Variants in ARHGEF40 observed in about 807,000 individuals in gnomAD.
ARHGEF40 encodes the protein Rho guanine nucleotide exchange factor (GEF) 40.
ARHGEF40 carries 98 observed loss-of-function variants against 165.9 expected under a neutral mutation model. The ratio of observed to expected loss-of-function variants is 0.59; its 90% confidence interval spans 0.50 to 0.70. The LOEUF (loss-of-function observed/expected upper bound fraction) is 0.70. ARHGEF40 is among the 30% of genes least tolerant of loss of function. ARHGEF40 has a pLI of 0.00. For synonymous variants in ARHGEF40, 792 were observed against 814.3 expected (o/e 0.97, Z 0.47); for missense variants, 1,815 against 1,968.0 (o/e 0.92, Z 1.47).
In ARHGEF40 at chr14:21,088,034, C is replaced by T. The variant is rs145078286; in HGVS notation, c.4454C>T (p.Pro1485Leu). 2.0e-5 allele frequency: 32 copies of T among 1,613,898 alleles called. No individual in the cohort carries two copies. The highest frequency in any genetic ancestry group is 4.5e-5 in the East Asian group (2 of 44,882). The change falls in exon 22 of 24, where the codon CCC (proline) becomes CTC (leucine). Residue 1485 changes from proline to leucine, a missense_variant. By Grantham distance (98) the Pro-to-Leu change is moderately conservative. Coordinates refer to ENST00000298694, the MANE Select transcript of ARHGEF40 (RefSeq NM_018071.5). The stretch of plus-strand genomic sequence containing the variant: ...CCAAGAAACAGCCCCAGCCTGCAAC[C>T]CCCCCACCCTGGGAGCAGCACTCCC... ...PGPRNSPSLQ[P>L]PHPGSSTPTL...
chr14:21,090,198 C>G lies in ARHGEF40; in HGVS notation c.*1190C>G. 1 of 558,402 alleles carries G rather than the reference C, an allele frequency of 1.8e-6. No homozygotes were observed. Among genetic ancestry groups the G allele is most frequent in the Non-Finnish European group, 3.4e-6 (1 of 292,532 alleles). 34.6% of individuals were successfully genotyped at this position (558,402 alleles called of 1,614,324 possible). Reference sequence around the variant, plus strand: ...GGGGCTAGAAGGGTACAGTGCCCCCCACCCTCACCCCTTGTACAAAAATAA... The same window carrying G: ...GGGGCTAGAAGGGTACAGTGCCCCCGACCCTCACCCCTTGTACAAAAATAA... On this transcript the variant is annotated 3_prime_UTR_variant, in exon 24 of 24. Coordinates refer to ENST00000298694, the MANE Select transcript of ARHGEF40 (RefSeq NM_018071.5). This position sits in a 1 kb window ranked among gnomAD's most constrained non-coding sequence, Gnocchi z 4.4.
chr14:21,074,175 T>TG lies in ARHGEF40; in HGVS notation c.447dup (p.Leu150AlafsTer31). 1 of 1,614,028 alleles carries TG rather than the reference T, an allele frequency of 6.2e-7. No individual in the cohort carries two copies. The highest frequency in any genetic ancestry group is 8.5e-7 in the Non-Finnish European group (1 of 1,179,998). ...TTGTGCCTACCTATTCACACCTGAGTGGCTACAAGGCATCAACAAGGACCG... is the reference window on the plus strand; with the variant it reads ...TTGTGCCTACCTATTCACACCTGAGTGGGCTACAAGGCATCAACAAGGACCG... On this transcript the variant is annotated frameshift_variant, in exon 3 of 24. Coordinates refer to ENST00000298694, the MANE Select transcript of ARHGEF40 (RefSeq NM_018071.5). LOFTEE classifies it high-confidence loss of function. This position sits in a 1 kb window ranked among gnomAD's most constrained non-coding sequence, Gnocchi z 4.8.
At chr14:21,079,629 C>G (rs1179241345) in intron 11 of ARHGEF40, among the ~76,000 whole-genome samples, 2 of 152,168 alleles carry the variant, frequency 1.3e-5, no homozygotes, top group African/African-American at 4.8e-5. Flanking sequence ...TCTGATTGTT[C>G]CTCCTTAGCC....
At chr14:21,065,402 T>C (rs919708193), upstream of ARHGEF40, among the ~76,000 whole-genome samples, 6 of 152,192 alleles carry the variant, frequency 3.9e-5, no homozygotes, top group African/African-American at 7.2e-5. Flanking sequence ...AGTCTTCACT[T>C]GGATTTATGA....
chr14:21,063,481 G>T, the ARHGEF40 span, among the ~76,000 whole-genome samples: 1 of 152,134 alleles, frequency 6.6e-6, no homozygotes, highest in Admixed American at 6.5e-5. Flanking sequence ...TAATTGGGGG[G>T]TCTTATGCGT....
At chr14:21,069,456 A>G (rs1317517929), upstream of ARHGEF40, among the ~76,000 whole-genome samples, 1 of 152,170 alleles carries the variant, frequency 6.6e-6, no homozygotes, top group African/African-American at 2.4e-5. Context: ...TCCCTCTTCT[A>G]GCCGAATAGA....
At chr14:21,087,862 G>C in intron 21 of ARHGEF40, 106 bp from the exon 22 acceptor site, 2 of 1,502,848 alleles carry the variant, frequency 1.3e-6, no homozygotes, top group Non-Finnish European at 1.8e-6. Context: ...GTGACTCACA[G>C]CTTCCTGTTG....
chr14:21,083,487 T>G (rs575278095), intron 16 of ARHGEF40, among the ~76,000 whole-genome samples: 32 of 151,992 alleles, frequency 2.1e-4, no homozygotes, highest in Non-Finnish European at 3.5e-4. Flanking sequence ...GAGGCGGAGC[T>G]TGCAGTGAGC....
rs759084946 is a variant in ARHGEF40, at chr14:21,082,492, T to G, written c.3486+14T>G. 3.2e-6 allele frequency: 5 copies of G among 1,561,706 alleles called. No homozygotes were observed. The East Asian group carries it at 9.0e-5, about 28-fold the overall frequency. On this transcript the variant is annotated intron_variant, in intron 15 of 23. Transcript: ENST00000298694. The stretch of plus-strand genomic sequence containing the variant: ...TTCCTTCGCCACGTGAGTGATCCCC[T>G]CAACTTCTTCCAAGTGCTCTCCCTT...
rs1479554892 is a variant in ARHGEF40 at position 21,074,093 on chromosome 14, C to A, written c.363C>A (p.Leu121=). The change falls in exon 3 of 24, where the codon CTC becomes CTA. Residue 121 remains leucine, a synonymous_variant. Coordinates refer to ENST00000298694, the MANE Select transcript of ARHGEF40 (RefSeq NM_018071.5). This position sits in a 1 kb window ranked among gnomAD's most constrained non-coding sequence, Gnocchi z 4.8. ...CTGCCCAAGCACCCCGACTAGCACT[C>A]AAGTGTCTGGCCCCTGGGGGTGGGC... ...PSAAQAPRLA[L]KCLAPGGGRV... 2 of 1,614,024 alleles carry A rather than the reference C, an allele frequency of 1.2e-6. No individual in the cohort carries two copies. The highest frequency in any genetic ancestry group is 1.1e-5 in the South Asian group (1 of 91,094).
At chr14:21,081,081 G>T in intron 13 of ARHGEF40, 65 bp downstream of exon 13, 1 of 1,552,976 alleles carries the variant, frequency 6.4e-7, no homozygotes. Context: ...TTTCTGCCTG[G>T]AGAGGCTAAT....
In ARHGEF40 at chr14:21,085,035, GA is replaced by G. The variant is rs1594578594; in HGVS notation, c.3960+114del. 28 of 1,358,550 alleles carry G rather than the reference GA, an allele frequency of 2.1e-5. No homozygotes were observed. The East Asian group carries it at 6.0e-4, about 29-fold the overall frequency. The allele number at this position is 1,358,550 out of a possible 1,614,324, so 84.2% of individuals were successfully genotyped here. Reference sequence around the variant, plus strand: ...AGAGGTTCAGAATCTGCATCATCTAGAATAGGCTTTGGCTTGTAATCGACTA... The same window carrying G: ...AGAGGTTCAGAATCTGCATCATCTAGATAGGCTTTGGCTTGTAATCGACTA... On this transcript the variant is annotated intron_variant, in intron 18 of 23. Transcript: ENST00000298694.
At position 21,070,907 on chromosome 14, in the gene ARHGEF40, A is replaced by T; in HGVS notation, c.3+508A>T. On this transcript the variant is annotated intron_variant, in intron 1 of 23. Transcript: ENST00000298694. This position sits in a 1 kb window ranked among gnomAD's most constrained non-coding sequence, Gnocchi z 4.7. ...CCCATCCGGCCCTAGGGGACTGGCC[A>T]CAGCTGTGGCTGGGCCGGGTCCCGG... 4 of 1,520,882 alleles carry T rather than the reference A, an allele frequency of 2.6e-6. 1 individual carries two copies. In the South Asian group the frequency reaches 4.8e-5, roughly 18 times the overall value. The allele number at this position is 1,520,882 out of a possible 1,614,324, so 94.2% of individuals were successfully genotyped here.
At chr14:21,076,683 T>TA (rs1555337935) in intron 7 of ARHGEF40, 40 bp downstream of exon 7, 3 of 1,606,788 alleles carry the variant, frequency 1.9e-6, no homozygotes, top group Non-Finnish European at 1.7e-6. Flanking sequence ...CCATCAGTAG[T>TA]GGGGAGAGGA....
chr14:21,079,140 C>A, intron 11 of ARHGEF40, 130 bp downstream of exon 11: 1 of 1,289,708 alleles, frequency 7.8e-7, no homozygotes, highest in Non-Finnish European at 1.0e-6. Flanking sequence ...CTCCTCCTCA[C>A]ATTTGTTGGT....
chr14:21,077,177 T>C (rs1421840549), intron 8 of ARHGEF40, among the ~76,000 whole-genome samples: 3 of 152,086 alleles, frequency 2.0e-5, no homozygotes, highest in African/African-American at 7.2e-5. Flanking sequence ...CGATCACAGC[T>C]TACTGCAGCC....
At chr14:21,069,035 G>A (rs528839811), upstream of ARHGEF40, among the ~76,000 whole-genome samples, 2 of 152,322 alleles carry the variant, frequency 1.3e-5, no homozygotes, top group East Asian at 3.9e-4. Flanking sequence ...CAGCTGCAGG[G>A]GCACACGCGT....
At chr14:21,082,595 T>C in intron 15 of ARHGEF40, 117 bp downstream of exon 15, 1 of 1,265,650 alleles carries the variant, frequency 7.9e-7, no homozygotes. Context: ...TCCATGACCT[T>C]GGGGCCCAGC....
chr14:21,088,702 T>C, intron 22 of ARHGEF40, 128 bp from the exon 23 acceptor site: 1 of 983,910 alleles, frequency 1.0e-6, no homozygotes, highest in Non-Finnish European at 1.5e-6. Flanking sequence ...TAAAAGTAAA[T>C]AGCAAAATTC....
Sources: gnomAD v4.1 joint callset for allele counts (sites outside exome capture counted in the v4.1 genomes callset) on GRCh38, gnomAD v4.1.1 for gene constraint, Gnocchi (gnomAD v3.1) non-coding constraint, MANE v1.5 for transcripts, NCBI Gene and HGNC (gene_info 2026-07-23, HGNC 2026-07-21) for gene names.